Variants in SSBP3 observed in about 807,000 individuals in gnomAD.
SSBP3 encodes the protein single stranded DNA binding protein 3, also known as single-stranded DNA-binding protein 3.
In SSBP3, 5 loss-of-function variants were observed where a neutral mutation model predicts 69.6. The ratio of observed to expected loss-of-function variants is 0.07; its 90% CI spans 0.04 to 0.15. SSBP3 has a LOEUF of 0.15. Ranked by LOEUF, SSBP3 falls within the 10% of genes least tolerant of loss-of-function variation. SSBP3 has a pLI of 1.00. For synonymous variants in SSBP3, 196 were observed against 193.4 expected (o/e 1.01, Z -0.11); for missense variants, 312 against 534.0 (o/e 0.58, Z 4.10).
chr1:54,388,243 A>G (rs1270744284), intron 4 of SSBP3, among the ~76,000 whole-genome samples: 2 of 152,178 alleles, frequency 1.3e-5, no homozygotes, highest in Non-Finnish European at 2.9e-5. Context: ...AAGTTTGTCA[A>G]AGTAGCAGCA....
At chr1:54,307,977 T>C (rs7543196) in intron 4 of SSBP3, among the ~76,000 whole-genome samples, 15,752 of 152,252 alleles carry the variant, frequency 0.1, 1,061 homozygotes, top group African/African-American at 0.19. Context: ...GCTTTTACTT[T>C]GTACTGTGAA....
At chr1:54,289,879 G>A (rs546965333) in intron 4 of SSBP3, among the ~76,000 whole-genome samples, 35 of 152,220 alleles carry the variant, frequency 2.3e-4, no homozygotes, top group African/African-American at 8.2e-4. Context: ...CCCCACAGGC[G>A]AGGAGCCAGC....
At chr1:54,407,564 G>A (rs1485771719), upstream of SSBP3, among the ~76,000 whole-genome samples, 1 of 151,880 alleles carries the variant, frequency 6.6e-6, no homozygotes, top group African/African-American at 2.4e-5. Flanking sequence ...ACCAGATACC[G>A]GCGAAATAGG....
chr1:54,281,851 C>T (rs1223196949), intron 4 of SSBP3, among the ~76,000 whole-genome samples: 1 of 152,022 alleles, frequency 6.6e-6, no homozygotes, highest in Non-Finnish European at 1.5e-5. Flanking sequence ...AATCCCAGCA[C>T]TTTGGGAGGT....
chr1:54,243,169 GGGTGCT>G lies in SSBP3; in HGVS notation c.716+60_716+65del, dbSNP rs1644671406. The G allele has an allele frequency of 7.6e-6, 11 of 1,455,912 alleles. 1 individual carries two copies. In the South Asian group the frequency reaches 1.3e-4, roughly 17 times the overall value. The allele number at this position is 1,455,912 out of a possible 1,614,324, so 90.2% of individuals were successfully genotyped here. ...ATGACCCCTTATCATGAGTCTCCCA[GGGTGCT>G]GGCAGAGGGTGGGGGAAGACCTGGA... On this transcript the variant is annotated intron_variant, in intron 10 of 17. Coordinates refer to ENST00000610401, the Ensembl canonical transcript of SSBP3.
At chr1:54,288,675 C>T (rs1480813492) in intron 4 of SSBP3, among the ~76,000 whole-genome samples, 2 of 151,982 alleles carry the variant, frequency 1.3e-5, no homozygotes, top group South Asian at 2.1e-4. Context: ...GCACAGAGAG[C>T]TGTACTATCT....
chr1:54,228,225 C>T (rs114408769), intron 17 of SSBP3, 30 bp downstream of exon 17: 20,208 of 1,600,986 alleles, frequency 0.013, 144 homozygotes, highest in Non-Finnish European at 0.015. Flanking sequence ...GCCGTGGGGA[C>T]GAGAGCAACA....
chr1:54,360,590 C>T (rs577834326), intron 4 of SSBP3, among the ~76,000 whole-genome samples: 26 of 152,204 alleles, frequency 1.7e-4, no homozygotes, highest in African/African-American at 6.3e-4. Context: ...TGGGTCCCCC[C>T]AAGTGTTTCC....
At chr1:54,338,005 C>T (rs976532313) in intron 4 of SSBP3, among the ~76,000 whole-genome samples, 1 of 152,086 alleles carries the variant, frequency 6.6e-6, no homozygotes, top group African/African-American at 2.4e-5. Flanking sequence ...GAATAAAGTC[C>T]CAGGCCGACT....
At chr1:54,246,242 C>A (rs1644731958) in intron 9 of SSBP3, among the ~76,000 whole-genome samples, 1 of 152,196 alleles carries the variant, frequency 6.6e-6, no homozygotes, top group African/African-American at 2.4e-5. Flanking sequence ...CTTAATGCTA[C>A]CGCAGCATTG....
At chr1:54,246,844 A>G (rs1346613051) in intron 9 of SSBP3, among the ~76,000 whole-genome samples, 2 of 152,234 alleles carry the variant, frequency 1.3e-5, no homozygotes, top group African/African-American at 2.4e-5. Context: ...GTTTTCTCAC[A>G]TAGGGCAGGA....
At chr1:54,316,966 C>T (rs72912110) in intron 4 of SSBP3, among the ~76,000 whole-genome samples, 9,475 of 152,078 alleles carry the variant, frequency 0.062, 897 homozygotes, top group African/African-American at 0.2. Context: ...CCATTCATGA[C>T]GATGGAGCCC....
chr1:54,369,983 G>C (rs767393144), intron 4 of SSBP3, among the ~76,000 whole-genome samples: 13 of 152,142 alleles, frequency 8.5e-5, no homozygotes, highest in Non-Finnish European at 1.5e-4. Context: ...ATGTGGAGTA[G>C]AACTCAAGAT....
At chr1:54,355,312 A>G (rs986840347) in intron 4 of SSBP3, among the ~76,000 whole-genome samples, 10 of 152,218 alleles carry the variant, frequency 6.6e-5, no homozygotes, top group Non-Finnish European at 1.0e-4. Context: ...GGAGGGCACC[A>G]ACCACAGACA....
intron 4 of SSBP3, among the ~76,000 whole-genome samples, chr1:54,285,226 TGAA>T (rs1010127927): frequency 3.9e-5 from 6 of 152,090 alleles, no homozygotes; most frequent in Admixed American, 3.9e-4. Flanking sequence ...CAGAAAAGTG[TGAA>T]GAAGAAAACG....
At chr1:54,404,802 G>A in intron 2 of SSBP3, 56 bp downstream of exon 2, 1 of 689,698 alleles carries the variant, frequency 1.4e-6, no homozygotes, top group Non-Finnish European at 2.3e-6. Context: ...AAGGCTCTAA[G>A]AATAGTGGGG....
At chr1:54,363,032 G>A (rs779442730) in intron 4 of SSBP3, among the ~76,000 whole-genome samples, 32 of 152,154 alleles carry the variant, frequency 2.1e-4, no homozygotes, top group Admixed American at 2.6e-4. Context: ...GTCTTGGAAA[G>A]AGGGTGCAGT....
chr1:54,350,910 CA>C (rs1177674812), intron 4 of SSBP3, among the ~76,000 whole-genome samples: 1 of 152,118 alleles, frequency 6.6e-6, no homozygotes, highest in African/African-American at 2.4e-5. Context: ...ATCATAGCCT[CA>C]ACCTCCTGGA....
chr1:54,365,692 A>G (rs1647020193), intron 4 of SSBP3, among the ~76,000 whole-genome samples: 1 of 152,126 alleles, frequency 6.6e-6, no homozygotes, highest in Non-Finnish European at 1.5e-5. Flanking sequence ...ATGAACGGCC[A>G]TACCCCCTCA....
Sources: gnomAD v4.1 joint callset for allele counts (sites outside exome capture counted in the v4.1 genomes callset) on GRCh38, gnomAD v4.1.1 for gene constraint, MANE v1.5 for transcripts, NCBI Gene and HGNC (gene_info 2026-07-23, HGNC 2026-07-21) for gene names.